The following C7orf78 variants were observed in gnomAD, a reference collection of about 807,000 sequenced individuals.
C7orf78 encodes putative uncharacterized protein C7orf78.
chr7:12,514,430 C>T, the C7orf78 span, among the ~76,000 whole-genome samples: 1 of 151,660 alleles, frequency 6.6e-6, no homozygotes, highest in Non-Finnish European at 1.5e-5. Context: ...CCATGTATGT[C>T]TTTACAGATA....
chr7:12,499,084 G>C, the C7orf78 span, among the ~76,000 whole-genome samples: 1 of 152,030 alleles, frequency 6.6e-6, no homozygotes, highest in African/African-American at 2.4e-5. Context: ...CCTGAAGGAA[G>C]CGCTAAACAT....
At chr7:12,498,176 C>A in the C7orf78 span, among the ~76,000 whole-genome samples, 6 of 152,138 alleles carry the variant, frequency 3.9e-5, no homozygotes, top group South Asian at 6.2e-4. Context: ...AAGCAGAGCG[C>A]CTCTCCTCCT....
At chr7:12,516,225 G>C in the C7orf78 span, among the ~76,000 whole-genome samples, 1 of 152,218 alleles carries the variant, frequency 6.6e-6, no homozygotes, top group African/African-American at 2.4e-5. Context: ...AGCCCTGGCT[G>C]TAAGGGGCCA....
the C7orf78 span, among the ~76,000 whole-genome samples, chr7:12,513,968 C>G: frequency 7.2e-5 from 11 of 152,148 alleles, no homozygotes; most frequent in African/African-American, 2.7e-4. Context: ...CCACTGCACT[C>G]CAGCCTGGGC....
chr7:12,534,408 T>C, the C7orf78 span, among the ~76,000 whole-genome samples: 1 of 152,154 alleles, frequency 6.6e-6, no homozygotes, highest in African/African-American at 2.4e-5. Context: ...CTTTCTGCAA[T>C]ACATTTGGAG....
At chr7:12,492,779 C>G in the C7orf78 span, among the ~76,000 whole-genome samples, 1 of 152,194 alleles carries the variant, frequency 6.6e-6, no homozygotes, top group African/African-American at 2.4e-5. Context: ...TAAAACAGGT[C>G]TCTGTTTACT....
the C7orf78 span, among the ~76,000 whole-genome samples, chr7:12,539,784 T>C: frequency 6.6e-6 from 1 of 152,206 alleles, no homozygotes; most frequent in East Asian, 1.9e-4. Flanking sequence ...TATGGGTTTA[T>C]ATAACATTCT....
At chr7:12,517,414 A>G in the C7orf78 span, among the ~76,000 whole-genome samples, 1 of 152,142 alleles carries the variant, frequency 6.6e-6, no homozygotes, top group Non-Finnish European at 1.5e-5. Flanking sequence ...GATTAATATG[A>G]TGTCTAAATC....
the C7orf78 span, chr7:12,491,488 C>A: frequency 9.9e-5 from 15 of 152,214 alleles, no homozygotes; most frequent in Admixed American, 2.6e-4. Flanking sequence ...AAAGTTAATA[C>A]CTTGGCTGCT....
At chr7:12,487,486 G>C in the C7orf78 span, among the ~76,000 whole-genome samples, 10 of 152,030 alleles carry the variant, frequency 6.6e-5, no homozygotes, top group African/African-American at 2.4e-4. Flanking sequence ...GTGTGACCAG[G>C]GTGTCTTTTT....
the C7orf78 span, among the ~76,000 whole-genome samples, chr7:12,524,757 C>A: frequency 2.6e-5 from 4 of 151,832 alleles, no homozygotes; most frequent in Non-Finnish European, 4.4e-5. Flanking sequence ...GCAAGAGAAT[C>A]GCTTGAATTT....
the C7orf78 span, among the ~76,000 whole-genome samples, chr7:12,513,693 T>G: frequency 6.6e-6 from 1 of 152,194 alleles, no homozygotes; most frequent in South Asian, 2.1e-4. Flanking sequence ...CTGTTCCAAG[T>G]GCTGATAAGA....
the C7orf78 span, among the ~76,000 whole-genome samples, chr7:12,497,924 C>T: frequency 1.3e-5 from 2 of 151,168 alleles, no homozygotes; most frequent in African/African-American, 4.9e-5. Context: ...GGGTCCCTGA[C>T]CCCTGACCCC....
At chr7:12,541,316 T>C in the C7orf78 span, 1 of 152,236 alleles carries the variant, frequency 6.6e-6, no homozygotes, top group Non-Finnish European at 1.5e-5. Context: ...AGGCCAAAGA[T>C]TGCAAATTTT....
At chr7:12,494,325 A>C in the C7orf78 span, among the ~76,000 whole-genome samples, 1 of 152,164 alleles carries the variant, frequency 6.6e-6, no homozygotes, top group Non-Finnish European at 1.5e-5. Context: ...CTGGTAAGTA[A>C]ATATGGAACA....
chr7:12,486,254 A>G, the C7orf78 span, among the ~76,000 whole-genome samples: 3 of 152,076 alleles, frequency 2.0e-5, no homozygotes, highest in Non-Finnish European at 4.4e-5. Flanking sequence ...CATTCCATCT[A>G]GCATTAAAAT....
At chr7:12,537,225 G>A in the C7orf78 span, among the ~76,000 whole-genome samples, 1 of 152,210 alleles carries the variant, frequency 6.6e-6, no homozygotes, top group South Asian at 2.1e-4. Flanking sequence ...AGGCCTCACA[G>A]TCATGGCGGA....
the C7orf78 span, among the ~76,000 whole-genome samples, chr7:12,495,030 C>T: frequency 6.6e-6 from 1 of 152,132 alleles, no homozygotes; most frequent in African/African-American, 2.4e-5. Flanking sequence ...CGTCTTCTCC[C>T]ATTGATAAAA....
the C7orf78 span, among the ~76,000 whole-genome samples, chr7:12,520,256 A>G: frequency 2.0e-5 from 3 of 152,122 alleles, no homozygotes; most frequent in African/African-American, 7.2e-5. Flanking sequence ...GTGATTATCT[A>G]TTTGGTTAAG....
Sources: allele counts gnomAD v4.1 joint callset (sites outside exome capture counted in the v4.1 genomes callset), GRCh38; gene constraint gnomAD v4.1.1; transcripts MANE v1.5; gene names NCBI Gene and HGNC (gene_info 2026-07-23, HGNC 2026-07-21).